Variants in IGF2R observed in about 807,000 individuals in gnomAD.
IGF2R encodes the protein insulin like growth factor 2 receptor.
In IGF2R, 91 loss-of-function variants were observed where a neutral mutation model predicts 270.6. The ratio of observed to expected loss-of-function variants is 0.34; its 90% confidence interval spans 0.28 to 0.40. The LOEUF (loss-of-function observed/expected upper bound fraction) is 0.40, where lower values mean the gene tolerates loss of function less well. IGF2R is among the 10% of genes least tolerant of loss of function. IGF2R has a pLI of 1.00. For synonymous variants in IGF2R, 1,316 were observed against 1,258.9 expected, an observed-to-expected ratio of 1.05 and a Z score of -0.96; for missense variants, 2,805 against 3,188.3, an observed-to-expected ratio of 0.88 and a Z score of 2.90.
rs1336728994 is a variant in IGF2R at position 160,070,073 on chromosome 6, C to G, written c.4443+15C>G. 6.2e-7 allele frequency: 1 copy of G among 1,611,904 alleles called. No homozygotes were observed. The highest frequency in any genetic ancestry group is 1.7e-5 in the Admixed American group (1 of 59,936). ...AGAGCCAAGTGGTAAGGGACTGTTC[C>G]TGCACCTTCTGCTGTTGCAGCTTTG... is the stretch of plus-strand genomic sequence containing the variant. On this transcript the variant is annotated intron_variant, in intron 31 of 47. Transcript: ENST00000356956.
At chr6:160,095,611 T>A (rs1436155580) in intron 44 of IGF2R, 1 of 152,244 alleles carries the variant, frequency 6.6e-6, no homozygotes, top group African/African-American at 2.4e-5. Context: ...CCACTGCTAA[T>A]CCCTTAGAAA....
intron 28 of IGF2R, 93 bp downstream of exon 28, chr6:160,064,624 A>G: frequency 7.1e-7 from 1 of 1,406,736 alleles, no homozygotes. Flanking sequence ...AGATCTCATC[A>G]AATCTCCTGG....
chr6:160,035,103 T>A (rs1275266416), intron 10 of IGF2R, among the ~76,000 whole-genome samples: 2 of 152,090 alleles, frequency 1.3e-5, no homozygotes, highest in Non-Finnish European at 2.9e-5. Context: ...GTAGACACAG[T>A]TGTAGCTGTA....
intron 42 of IGF2R, 30 bp from the exon 43 acceptor site, chr6:160,089,077 T>G (rs1583301472): frequency 6.2e-7 from 1 of 1,600,272 alleles, no homozygotes; most frequent in Non-Finnish European, 8.5e-7. Flanking sequence ...GCTGGGGAAG[T>G]GACTGTAGCC....
At chr6:160,069,839 G>C (rs1348851172) in intron 30 of IGF2R, 29 bp from the exon 31 acceptor site, 2 of 1,607,912 alleles carry the variant, frequency 1.2e-6, no homozygotes, top group Non-Finnish European at 1.7e-6. Flanking sequence ...GTCACTAAAG[G>C]CAACTCTTTC....
Position 160,111,270 on chromosome 6 carries a change from G to T in IGF2R, c.*6186G>T, listed in dbSNP as rs144543840. 1.3e-5 allele frequency: 2 copies of T among 151,610 alleles called. No homozygotes were observed. The highest frequency in any genetic ancestry group is 2.9e-5 in the Non-Finnish European group (2 of 67,936). 9.4% of individuals were successfully genotyped at this position (151,610 alleles called of 1,614,324 possible). A position where few individuals can be genotyped will look rare whatever the true frequency, so the allele number is the denominator to read the frequency against. On this transcript the variant is annotated 3_prime_UTR_variant, in exon 48 of 48. Coordinates refer to ENST00000356956, the MANE Select transcript of IGF2R (RefSeq NM_000876.4). Reference sequence around the variant, plus strand: ...TTTCTGTAAAAGTTACACCCGATGCGTCAGCCCCTTCTTCTACCTCTTCCA... The same window carrying T: ...TTTCTGTAAAAGTTACACCCGATGCTTCAGCCCCTTCTTCTACCTCTTCCA...
chr6:160,079,574 G>A lies in IGF2R; in HGVS notation c.5479-6G>A. On this transcript the variant is annotated splice_polypyrimidine_tract_variant and splice_region_variant and intron_variant, in intron 37 of 47. Transcript: ENST00000356956. Reference sequence around the variant, plus strand: ...CTGCTGACGGCCACGCATGGTTTTTGTCCAGGTGACTCGCGACTCGCGCAC... The same window carrying A: ...CTGCTGACGGCCACGCATGGTTTTTATCCAGGTGACTCGCGACTCGCGCAC... The A allele has an allele frequency of 7.0e-7, 1 of 1,424,258 alleles. No homozygotes were observed. The allele number at this position is 1,424,258 out of a possible 1,614,324, so 88.2% of individuals were successfully genotyped here. A position where few individuals can be genotyped will look rare whatever the true frequency, so the allele number is the denominator to read the frequency against.
rs763107406 is a variant in IGF2R, at chr6:160,060,677, G to T, written c.3222G>T (p.Ala1074=). The T allele has an allele frequency of 2.5e-6, 4 of 1,614,142 alleles. No homozygotes were observed. The African/African-American group carries it at 4.0e-5, about 16-fold the overall frequency. The change falls in exon 23 of 48, where the codon GCG becomes GCT. Residue 1074 remains alanine, a synonymous_variant. Coordinates refer to ENST00000356956, the MANE Select transcript of IGF2R (RefSeq NM_000876.4). ...IRNTYFEFET[A]LACVPSPVDC... ...ACACTTACTTTGAGTTTGAAACCGC[G>T]TTGGCCTGTGTTCCTTCTCCAGTGG...
intron 2 of IGF2R, among the ~76,000 whole-genome samples, chr6:160,008,371 G>A (rs913200543): frequency 5.3e-5 from 8 of 152,020 alleles, no homozygotes; most frequent in Non-Finnish European, 8.8e-5. Context: ...GTGTCTCTGT[G>A]CTCTCTCTTC....
In IGF2R at chr6:160,070,821, T is replaced by TG. The variant is rs3839345; in HGVS notation, c.4443+769dup. 3.6e-3 allele frequency among the ~76,000 whole-genome samples: 544 copies of TG among 152,166 alleles called. 5 individuals carry two copies. The highest frequency in any genetic ancestry group is 0.012 in the African/African-American group (514 of 41,526). ...GCAGCAGTGGTAGGGGAGCTTGGGA[T>TG]GGGGGGCTCCAGGAGCTTCAGGCCT... On this transcript the variant is annotated intron_variant, in intron 31 of 47. Transcript: ENST00000356956.
At chr6:160,065,287 G>T (rs1778543691) in intron 29 of IGF2R, among the ~76,000 whole-genome samples, 1 of 152,170 alleles carries the variant, frequency 6.6e-6, no homozygotes. Context: ...GACACCTGGG[G>T]TCCCATCCTT....
intron 2 of IGF2R, among the ~76,000 whole-genome samples, chr6:159,995,542 C>T (rs1784039385): frequency 6.6e-6 from 1 of 151,734 alleles, no homozygotes; most frequent in East Asian, 1.9e-4. Context: ...AGTTTTATAC[C>T]TTTTGTCTGA....
At chr6:159,990,423 T>C (rs984708689) in intron 1 of IGF2R, among the ~76,000 whole-genome samples, 4 of 152,172 alleles carry the variant, frequency 2.6e-5, no homozygotes, top group African/African-American at 9.7e-5. Context: ...GCTCCGCACT[T>C]CTCCTTGCTG....
At chr6:160,043,948 A>G (rs766665075) in intron 12 of IGF2R, among the ~76,000 whole-genome samples, 1 of 152,232 alleles carries the variant, frequency 6.6e-6, no homozygotes, top group Non-Finnish European at 1.5e-5. Flanking sequence ...AAGCAGGTTC[A>G]GGCATGTCCA....
intron 8 of IGF2R, 81 bp downstream of exon 8, chr6:160,032,794 C>CA: frequency 6.8e-7 from 1 of 1,478,148 alleles, no homozygotes; most frequent in Non-Finnish European, 9.2e-7. Flanking sequence ...GGGGCCAAGT[C>CA]AGTCCATGCA....
intron 2 of IGF2R, chr6:160,006,260 G>A: frequency 6.5e-6 from 1 of 154,014 alleles, no homozygotes; most frequent in Non-Finnish European, 1.4e-5. Context: ...TACCCCGTGA[G>A]CCTGCTGCGC....
intron 17 of IGF2R, 140 bp from the exon 18 acceptor site, chr6:160,048,235 C>A: frequency 1.2e-6 from 1 of 809,998 alleles, no homozygotes; most frequent in East Asian, 2.6e-5. Context: ...CGTCATGCGC[C>A]CAGACAAGCC....
At chr6:160,086,958 A>G (rs1779109504) in intron 41 of IGF2R, among the ~76,000 whole-genome samples, 1 of 151,528 alleles carries the variant, frequency 6.6e-6, no homozygotes, top group Admixed American at 6.6e-5. Flanking sequence ...CTGTCCATGC[A>G]GCCAGGCTGG....
At position 160,000,728 on chromosome 6, in the gene IGF2R, G is replaced by GTTTTTTTTT. The variant is rs59215791; in HGVS notation, c.290-8265_290-8257dup. Among the ~76,000 whole-genome samples, 71 of 69,962 alleles carry GTTTTTTTTT rather than the reference G, an allele frequency of 1.0e-3. 3 individuals carry two copies. Among genetic ancestry groups the GTTTTTTTTT allele is most frequent in the African/African-American group, 3.8e-3 (63 of 16,728 alleles). 45.9% of individuals were successfully genotyped at this position (69,962 alleles called of 152,430 possible). A position where few individuals can be genotyped will look rare whatever the true frequency, so the allele number is the denominator to read the frequency against. ...GGAAGATAATAGTTGGTGTGAGGTT[G>GTTTTTTTTT]TTTTTTTTTTTTTTTTTTTTTTTTT... is the stretch of plus-strand genomic sequence containing the variant. On this transcript the variant is annotated intron_variant, in intron 2 of 47. Coordinates refer to ENST00000356956, the MANE Select transcript of IGF2R (RefSeq NM_000876.4).
Sources: gnomAD v4.1 joint callset for allele counts (sites outside exome capture counted in the v4.1 genomes callset) on GRCh38, gnomAD v4.1.1 for gene constraint, MANE v1.5 for transcripts, NCBI Gene and HGNC (gene_info 2026-07-23, HGNC 2026-07-21) for gene names.